The following CNTNAP3B variants were observed in gnomAD, a reference collection of about 807,000 sequenced individuals.
CNTNAP3B encodes the protein contactin associated protein family member 3B.
Under a neutral mutation model 108.9 loss-of-function variants are expected in CNTNAP3B, and 25 were observed. The ratio of observed to expected loss-of-function variants is 0.23; its 90% CI spans 0.17 to 0.32. The LOEUF (loss-of-function observed/expected upper bound fraction) is 0.32, where lower values mean the gene tolerates loss of function less well. CNTNAP3B is among the 10% of genes least tolerant of loss of function. The pLI is 1.00. For missense variants in CNTNAP3B, 252 were observed against 1,210.4 expected (o/e 0.21, Z 11.75); for synonymous variants, 103 against 473.4 (o/e 0.22, Z 10.16).
chr9:41,919,447 G>A (rs1161965312), intron 18 of CNTNAP3B, among the ~76,000 whole-genome samples: 2 of 152,216 alleles, frequency 1.3e-5, no homozygotes, highest in East Asian at 1.9e-4. Context: ...TACCTGAGCA[G>A]AAGCTGTGTG....
chr9:41,966,494 G>A (rs1263001067), intron 10 of CNTNAP3B, among the ~76,000 whole-genome samples: 1 of 152,246 alleles, frequency 6.6e-6, no homozygotes, highest in Non-Finnish European at 1.5e-5. Flanking sequence ...CAGAGGGAGG[G>A]CAGGAGTGGG....
At chr9:42,089,278 C>T in intron 2 of CNTNAP3B, among the ~76,000 whole-genome samples, 1 of 119,510 alleles carries the variant, frequency 8.4e-6, no homozygotes, top group Non-Finnish European at 1.7e-5. Flanking sequence ...ATATTTGCTA[C>T]ATTTACATTA....
intron 2 of CNTNAP3B, among the ~76,000 whole-genome samples, chr9:42,097,900 A>C (rs1037428371): frequency 1.4e-5 from 2 of 138,880 alleles, no homozygotes; most frequent in Admixed American, 7.2e-5. Context: ...GTTGAAGTCC[A>C]ATCATGGGAC....
intron 1 of CNTNAP3B, among the ~76,000 whole-genome samples, chr9:42,126,841 A>G (rs1828582154): frequency 1.4e-5 from 2 of 138,874 alleles, no homozygotes; most frequent in South Asian, 4.6e-4. Context: ...AAGTGCTGGG[A>G]TTACAGACAC....
Position 42,018,272 on chromosome 9 carries a change from GA to G in CNTNAP3B, c.391-4748del, listed in dbSNP as rs1366109393. On this transcript the variant is annotated intron_variant, in intron 3 of 23. Transcript: ENST00000377561. ...AACAAAAGAATTATGATTTTTAAAA[GA>G]ATATGTACAAATAAAATGTATTGGA... Among the ~76,000 whole-genome samples the G allele has an allele frequency of 4.2e-3, 544 of 129,690 alleles. 8 individuals carry two copies. The highest frequency in any genetic ancestry group is 0.016 in the African/African-American group (527 of 32,050). 85.1% of individuals were successfully genotyped at this position (129,690 alleles called of 152,430 possible). A position where few individuals can be genotyped will look rare whatever the true frequency, so the allele number is the denominator to read the frequency against.
intron 3 of CNTNAP3B, among the ~76,000 whole-genome samples, chr9:42,041,623 C>A (rs1439463946): frequency 2.1e-5 from 3 of 144,484 alleles, no homozygotes; most frequent in East Asian, 4.2e-4. Context: ...AATAGGACCA[C>A]TTTTGCACTG....
chr9:41,916,946 TTC>T (rs1823533354), intron 18 of CNTNAP3B, among the ~76,000 whole-genome samples: 1 of 149,986 alleles, frequency 6.7e-6, no homozygotes, highest in African/African-American at 2.5e-5. Context: ...TATATGATTT[TTC>T]TCTTACTGCT....
At position 42,030,807 on chromosome 9, in the gene CNTNAP3B, GA is replaced by G. The variant is rs1336196232; in HGVS notation, c.391-17283del. Among the ~76,000 whole-genome samples, 50 of 62,712 alleles carry G rather than the reference GA, an allele frequency of 8.0e-4. 6 individuals are homozygous for G. The South Asian group carries it at 0.023, about 28-fold the overall frequency. The allele number at this position is 62,712 out of a possible 152,430, so 41.1% of individuals were successfully genotyped here. On this transcript the variant is annotated intron_variant, in intron 3 of 23. Transcript: ENST00000377561. ...GAGATGTGTGCGAGAGAGAGAGAGA[GA>G]GAGAGGAGAGAGAGAGAGAGAGAGA...
intron 13 of CNTNAP3B, among the ~76,000 whole-genome samples, chr9:41,952,324 G>A (rs997319642): frequency 6.6e-6 from 1 of 152,156 alleles, no homozygotes; most frequent in South Asian, 2.1e-4. Flanking sequence ...CCAAGCTGGA[G>A]GCAGTGAAGC....
chr9:41,932,528 T>A (rs1449069883), intron 14 of CNTNAP3B, among the ~76,000 whole-genome samples: 21 of 151,350 alleles, frequency 1.4e-4, no homozygotes, highest in Middle Eastern at 3.2e-3. Flanking sequence ...TTCTTTTTTT[T>A]TTTTTTTCGA....
chr9:42,072,284 C>A (rs1171407383), intron 3 of CNTNAP3B, among the ~76,000 whole-genome samples: 1 of 91,864 alleles, frequency 1.1e-5, no homozygotes, highest in Non-Finnish European at 2.1e-5. Flanking sequence ...CTTTCTGATT[C>A]AGAACATTTG....
chr9:42,118,213 G>C (rs1299199386), intron 1 of CNTNAP3B, among the ~76,000 whole-genome samples: 1 of 139,318 alleles, frequency 7.2e-6, no homozygotes, highest in African/African-American at 2.9e-5. Context: ...GCCTGGCAGA[G>C]ACACAAACAA....
At chr9:41,928,665 G>T (rs1823888524) in intron 15 of CNTNAP3B, among the ~76,000 whole-genome samples, 1 of 152,218 alleles carries the variant, frequency 6.6e-6, no homozygotes, top group Admixed American at 6.5e-5. Context: ...AATACATTTA[G>T]TCTCAGACTT....
chr9:41,963,782 C>T (rs1587153788), intron 11 of CNTNAP3B, among the ~76,000 whole-genome samples: 1 of 152,284 alleles, frequency 6.6e-6, no homozygotes, highest in East Asian at 1.9e-4. Context: ...TCCTCATCTT[C>T]CCACAAACTA....
intron 2 of CNTNAP3B, among the ~76,000 whole-genome samples, chr9:42,094,745 A>T (rs1481209732): frequency 1.4e-5 from 1 of 71,918 alleles, no homozygotes; most frequent in Non-Finnish European, 2.7e-5. Flanking sequence ...AGGAGGAGGA[A>T]GGGAGGGAGG....
At chr9:41,964,310 C>T (rs1261294393) in intron 11 of CNTNAP3B, among the ~76,000 whole-genome samples, 1 of 152,188 alleles carries the variant, frequency 6.6e-6, no homozygotes, top group African/African-American at 2.4e-5. Flanking sequence ...TTCCCCATTG[C>T]TTGCCAGTTT....
chr9:41,940,588 G>A (rs1005981551), intron 13 of CNTNAP3B, among the ~76,000 whole-genome samples: 1 of 152,276 alleles, frequency 6.6e-6, no homozygotes, highest in Non-Finnish European at 1.5e-5. Flanking sequence ...CGGAGGCCGA[G>A]GTGGGCGGAT....
At chr9:42,023,944 GA>G (rs1215528258) in intron 3 of CNTNAP3B, among the ~76,000 whole-genome samples, 44 of 151,534 alleles carry the variant, frequency 2.9e-4, no homozygotes, top group African/African-American at 1.0e-3. Flanking sequence ...TAAAGGTACA[GA>G]AAAAAACCTG....
Position 42,107,688 on chromosome 9 carries a change from C to T in CNTNAP3B, c.86-2949G>A, listed in dbSNP as rs866114311. Among the ~76,000 whole-genome samples the T allele has an allele frequency of 5.2e-4, 71 of 137,162 alleles. 16 individuals carry two copies. Among genetic ancestry groups the T allele is most frequent in the Middle Eastern group, 3.5e-3 (1 of 286 alleles). The allele number at this position is 137,162 out of a possible 152,430, so 90.0% of individuals were successfully genotyped here. A position where few individuals can be genotyped will look rare whatever the true frequency, so the allele number is the denominator to read the frequency against. ...GAATAAATCTTGCCCTTCAGAAAGG[C>T]AATAAATTCGGGCGCGGTGGCTCAC... On this transcript the variant is annotated intron_variant, in intron 1 of 23. Transcript: ENST00000377561.
Sources: gnomAD v4.1 joint callset for allele counts (sites outside exome capture counted in the v4.1 genomes callset) on GRCh38, gnomAD v4.1.1 for gene constraint, MANE v1.5 for transcripts, NCBI Gene and HGNC (gene_info 2026-07-23, HGNC 2026-07-21) for gene names.